Variants in ANKFN1 observed in about 807,000 individuals in gnomAD.
ANKFN1 encodes ankyrin repeat and fibronectin type III domain containing 1.
A neutral mutation model predicts 108.7 loss-of-function variants in ANKFN1; 74 were observed. The ratio of observed to expected loss-of-function variants is 0.68; its 90% confidence interval spans 0.56 to 0.83. ANKFN1 has a LOEUF of 0.83. Ranked by LOEUF, ANKFN1 falls within the 40% of genes least tolerant of loss-of-function variation. ANKFN1 has a pLI of 0.00. For synonymous variants in ANKFN1, 547 were observed against 516.2 expected, an observed-to-expected ratio of 1.06 and a Z score of -0.81; for missense variants, 1,505 against 1,382.3, an observed-to-expected ratio of 1.09 and a Z score of -1.41.
chr17:56,109,483 A>G (rs574184750), intron 4 of ANKFN1, among the ~76,000 whole-genome samples: 2 of 152,252 alleles, frequency 1.3e-5, no homozygotes, highest in South Asian at 4.1e-4. Context: ...AACCCAAACT[A>G]TCTGCAGAAA....
At chr17:56,260,135 G>A (rs1229768220) in intron 3 of ANKFN1, among the ~76,000 whole-genome samples, 1 of 152,178 alleles carries the variant, frequency 6.6e-6, no homozygotes, top group Non-Finnish European at 1.5e-5. Flanking sequence ...AACTTTTGGA[G>A]GATATTCAGC....
intron 6 of ANKFN1, among the ~76,000 whole-genome samples, chr17:56,371,756 G>T (rs1192006564): frequency 6.6e-6 from 1 of 152,152 alleles, no homozygotes; most frequent in Admixed American, 6.5e-5. Context: ...ATCATAAGAG[G>T]CAGCCTCACT....
Position 56,060,180 on chromosome 17 carries a change from C to A in ANKFN1, c.288+13855C>A, listed in dbSNP as rs948642705. On this transcript the variant is annotated intron_variant, in intron 4 of 12. Transcript: ENST00000635860. ...TAGCTGTATTCCTAGGTATTTTATT[C>A]TTTTTGTAGCAATTGTGAATGGGAG... is the stretch of plus-strand genomic sequence containing the variant. Among the ~76,000 whole-genome samples, 94 of 152,190 alleles carry A rather than the reference C, an allele frequency of 6.2e-4. 1 individual carries two copies. The highest frequency in any genetic ancestry group is 2.2e-3 in the African/African-American group (91 of 41,530).
At chr17:56,263,700 C>G (rs1354894360) in intron 3 of ANKFN1, among the ~76,000 whole-genome samples, 4 of 152,210 alleles carry the variant, frequency 2.6e-5, no homozygotes, top group African/African-American at 9.6e-5. Context: ...CAAACTTAAT[C>G]TTCTGTTTTA....
intron 4 of ANKFN1, among the ~76,000 whole-genome samples, chr17:56,144,138 A>C (rs966554498): frequency 1.4e-5 from 2 of 144,136 alleles, no homozygotes; most frequent in South Asian, 2.3e-4. Context: ...AGTGCCTGAC[A>C]CAAACAGAGG....
intron 3 of ANKFN1, among the ~76,000 whole-genome samples, chr17:56,243,190 T>C (rs1271776417): frequency 6.6e-6 from 1 of 152,166 alleles, no homozygotes; most frequent in Admixed American, 6.6e-5. Flanking sequence ...GCTTTGGGAA[T>C]TTTATGAATA....
chr17:56,393,110 T>A (rs1427276841), intron 8 of ANKFN1, among the ~76,000 whole-genome samples: 1 of 152,146 alleles, frequency 6.6e-6, no homozygotes, highest in Non-Finnish European at 1.5e-5. Flanking sequence ...CTCTTAAGTG[T>A]AAGGCCCACC....
chr17:56,295,576 T>G (rs1235789924), intron 3 of ANKFN1, among the ~76,000 whole-genome samples: 1 of 152,166 alleles, frequency 6.6e-6, no homozygotes, highest in Non-Finnish European at 1.5e-5. Context: ...TTAAGAAATC[T>G]GGGTTCCACC....
chr17:56,420,283 A>C (rs1336241948), intron 8 of ANKFN1, among the ~76,000 whole-genome samples: 1 of 152,150 alleles, frequency 6.6e-6, no homozygotes, highest in East Asian at 1.9e-4. Context: ...GTAAAATTAC[A>C]CCTCTATTAT....
intron 4 of ANKFN1, among the ~76,000 whole-genome samples, chr17:56,105,049 A>G (rs1306997862): frequency 6.6e-6 from 1 of 152,196 alleles, no homozygotes; most frequent in Non-Finnish European, 1.5e-5. Flanking sequence ...AAATAGTTTA[A>G]GAATAGAGCA....
chr17:56,048,106 G>A (rs1275646172), intron 4 of ANKFN1, among the ~76,000 whole-genome samples: 1 of 148,628 alleles, frequency 6.7e-6, no homozygotes, highest in Non-Finnish European at 1.5e-5. Context: ...TTATTCCCTA[G>A]TATTATTCCA....
At chr17:56,490,499 G>A (rs2051000597) in intron 18 of ANKFN1, among the ~76,000 whole-genome samples, 1 of 152,178 alleles carries the variant, frequency 6.6e-6, no homozygotes, top group Non-Finnish European at 1.5e-5. Context: ...CAGCATGAGG[G>A]AAGGTATGAC....
chr17:56,234,388 G>A (rs1450744316), intron 3 of ANKFN1, among the ~76,000 whole-genome samples: 4 of 151,726 alleles, frequency 2.6e-5, no homozygotes, highest in Non-Finnish European at 5.9e-5. Context: ...TACATGTGCA[G>A]GTTTGTTATA....
chr17:56,434,436 C>T (rs923596627), intron 8 of ANKFN1, among the ~76,000 whole-genome samples: 1 of 151,314 alleles, frequency 6.6e-6, no homozygotes, highest in Non-Finnish European at 1.5e-5. Flanking sequence ...GCCTTTTGCC[C>T]TTAATTTAAA....
chr17:56,453,896 T>A (rs1323785416), intron 11 of ANKFN1, among the ~76,000 whole-genome samples: 1 of 152,142 alleles, frequency 6.6e-6, no homozygotes, highest in Non-Finnish European at 1.5e-5. Context: ...ATGAAACCTT[T>A]TTTTCCCCTC....
intron 4 of ANKFN1, among the ~76,000 whole-genome samples, chr17:56,102,661 G>A (rs1905669872): frequency 6.6e-6 from 1 of 151,636 alleles, no homozygotes; most frequent in Non-Finnish European, 1.5e-5. Context: ...AGAGTCACAG[G>A]AATCTGTATT....
At chr17:56,462,397 C>A (rs1206247703) in intron 14 of ANKFN1, among the ~76,000 whole-genome samples, 2 of 152,172 alleles carry the variant, frequency 1.3e-5, no homozygotes, top group Non-Finnish European at 2.9e-5. Context: ...GAGTTCGAGA[C>A]CAGCCTGACC....
intron 4 of ANKFN1, among the ~76,000 whole-genome samples, chr17:56,078,709 G>A (rs547693760): frequency 2.0e-3 from 304 of 152,242 alleles, no homozygotes; most frequent in African/African-American, 4.4e-3. Context: ...GGCAGGCATC[G>A]TGGAGCTGAC....
chr17:56,427,389 C>A (rs946604679), intron 8 of ANKFN1, among the ~76,000 whole-genome samples: 1 of 152,114 alleles, frequency 6.6e-6, no homozygotes, highest in Non-Finnish European at 1.5e-5. Flanking sequence ...GCAATGTACA[C>A]GAGTCTTCTG....
Sources: allele counts gnomAD v4.1 joint callset (sites outside exome capture counted in the v4.1 genomes callset), GRCh38; gene constraint gnomAD v4.1.1; transcripts MANE v1.5; gene names NCBI Gene and HGNC (gene_info 2026-07-23, HGNC 2026-07-21).